Variants in EPM2A observed in about 807,000 individuals in gnomAD.
The protein encoded by EPM2A is EPM2A glucan phosphatase, laforin, also known as laforin.
A neutral mutation model predicts 26.5 loss-of-function variants in EPM2A; 21 were observed. The ratio of observed to expected loss-of-function variants is 0.79; its 90% CI spans 0.56 to 1.14. The LOEUF (loss-of-function observed/expected upper bound fraction) is 1.14, where lower values mean the gene tolerates loss of function less well. Among genes scored for constraint, EPM2A ranks in the 50% most tolerant of loss-of-function variants. The pLI is 0.00. For synonymous variants in EPM2A, 217 were observed against 177.6 expected (o/e 1.22, Z -1.76); for missense variants, 458 against 440.8 (o/e 1.04, Z -0.35).
chr6:145,413,406 C>T (rs186222641), intron 4 of EPM2A, among the ~76,000 whole-genome samples: 15 of 152,192 alleles, frequency 9.9e-5, no homozygotes, highest in Admixed American at 2.0e-4. Context: ...TATCACCATA[C>T]CCTGTAAAGT....
chr6:145,384,739 T>G (rs1415677047), intron 4 of EPM2A, among the ~76,000 whole-genome samples: 1 of 147,544 alleles, frequency 6.8e-6, no homozygotes, highest in Non-Finnish European at 1.5e-5. Context: ...ATCTGGATCC[T>G]GAATATGCAT....
chr6:145,565,436 G>GC (rs1780872333), intron 2 of EPM2A, among the ~76,000 whole-genome samples: 1 of 152,100 alleles, frequency 6.6e-6, no homozygotes, highest in South Asian at 2.1e-4. Context: ...TCTTTAGGTA[G>GC]TAAAAAAAAA....
chr6:145,522,997 G>T (rs1031703727), intron 2 of EPM2A, among the ~76,000 whole-genome samples: 1 of 152,056 alleles, frequency 6.6e-6, no homozygotes, highest in African/African-American at 2.4e-5. Context: ...CCTTCTCAGG[G>T]GTTGTTTGTA....
downstream of EPM2A, among the ~76,000 whole-genome samples, chr6:145,624,632 T>G (rs1327567627): frequency 1.3e-5 from 2 of 152,350 alleles, no homozygotes; most frequent in Non-Finnish European, 2.9e-5. Context: ...AATGAGATTA[T>G]TTCTAAAGAC....
chr6:145,540,084 G>A (rs560792027), intron 2 of EPM2A, among the ~76,000 whole-genome samples: 9 of 152,150 alleles, frequency 5.9e-5, no homozygotes, highest in South Asian at 2.1e-4. Flanking sequence ...AGTGACCCCC[G>A]CCGTGTCTGC....
At chr6:145,517,686 G>A (rs1780147981) in intron 2 of EPM2A, among the ~76,000 whole-genome samples, 1 of 152,142 alleles carries the variant, frequency 6.6e-6, no homozygotes, top group South Asian at 2.1e-4. Flanking sequence ...GTTCAGCAGT[G>A]TCTGCGAAGG....
At chr6:145,632,723 G>A (rs1047413974) in intron 3 of EPM2A, among the ~76,000 whole-genome samples, 1 of 152,108 alleles carries the variant, frequency 6.6e-6, no homozygotes, top group African/African-American at 2.4e-5. Flanking sequence ...TTCCAACTGG[G>A]TTTTTCTCTA....
downstream of EPM2A, among the ~76,000 whole-genome samples, chr6:145,620,324 C>A (rs1423588942): frequency 3.9e-5 from 6 of 152,110 alleles, no homozygotes; most frequent in Non-Finnish European, 7.4e-5. Flanking sequence ...CAATCTGATG[C>A]CGCTGCTGAT....
At chr6:145,662,726 C>G (rs1039813541) in intron 2 of EPM2A, among the ~76,000 whole-genome samples, 10 of 152,126 alleles carry the variant, frequency 6.6e-5, no homozygotes, top group African/African-American at 2.4e-4. Flanking sequence ...TCAGGGGGAT[C>G]AGATATCAGT....
intron 2 of EPM2A, among the ~76,000 whole-genome samples, chr6:145,612,377 T>C (rs532839654): frequency 2.6e-5 from 4 of 152,302 alleles, no homozygotes; most frequent in Non-Finnish European, 5.9e-5. Flanking sequence ...AAACATGCAC[T>C]CATAATCTTA....
intron 4 of EPM2A, among the ~76,000 whole-genome samples, chr6:145,413,437 A>G (rs866574902): frequency 1.1e-4 from 17 of 152,194 alleles, no homozygotes; most frequent in African/African-American, 4.1e-4. Flanking sequence ...ACTTGAAAGA[A>G]GGCAGGAATA....
In EPM2A at chr6:145,495,566, G is replaced by A. The variant is rs542475732; in HGVS notation, c.555+6956C>T. On this transcript the variant is annotated intron_variant, in intron 4 of 4. Transcript: ENST00000638717. The stretch of plus-strand genomic sequence containing the variant: ...GATTGTTTTGCAGACTTGTTTATGC[G>A]GATGCTTTATTTATTTATTTATTGA... Among the ~76,000 whole-genome samples, 79 of 151,256 alleles carry A rather than the reference G, an allele frequency of 5.2e-4. No homozygotes were observed. The South Asian group carries it at 7.3e-3, about 14-fold the overall frequency.
chr6:145,391,138 C>T (rs946431034), intron 4 of EPM2A, among the ~76,000 whole-genome samples: 5 of 152,140 alleles, frequency 3.3e-5, no homozygotes, highest in African/African-American at 9.7e-5. Context: ...TGCCCAGCCA[C>T]GATGACACAG....
rs1183282309 is a variant in EPM2A at position 145,384,700 on chromosome 6, A to G, written c.556-603T>C. Among the ~76,000 whole-genome samples, 8 of 147,488 alleles carry G rather than the reference A, an allele frequency of 5.4e-5. 1 individual carries two copies. The highest frequency in any genetic ancestry group is 1.0e-4 in the Non-Finnish European group (7 of 66,838). Reference sequence around the variant, plus strand: ...CCCAGCAGCTGGGAGTAAGTCCTTCAGTCCTGAAACATGCATCCTGAAATA... The same window carrying G: ...CCCAGCAGCTGGGAGTAAGTCCTTCGGTCCTGAAACATGCATCCTGAAATA... On this transcript the variant is annotated intron_variant, in intron 4 of 4. Coordinates refer to the EPM2A transcript ENST00000638717.
At chr6:145,450,236 T>A (rs975848576) in intron 4 of EPM2A, among the ~76,000 whole-genome samples, 1 of 150,806 alleles carries the variant, frequency 6.6e-6, no homozygotes, top group Non-Finnish European at 1.5e-5. Flanking sequence ...GCCTGTAGTT[T>A]CAGCTACTCG....
At chr6:145,590,153 T>C (rs1370713897) in intron 2 of EPM2A, among the ~76,000 whole-genome samples, 5 of 152,062 alleles carry the variant, frequency 3.3e-5, no homozygotes, top group Non-Finnish European at 7.4e-5. Context: ...TAGACTACCA[T>C]GAGAATGAGA....
In EPM2A at chr6:145,417,573, C is replaced by T. The variant is rs78168021; in HGVS notation, c.556-33476G>A. Among the ~76,000 whole-genome samples the T allele has an allele frequency of 1.6e-4, 24 of 152,278 alleles. No homozygotes were observed. In the East Asian group the frequency reaches 4.6e-3, roughly 29 times the overall value. The stretch of plus-strand genomic sequence containing the variant: ...TTTAAGATGAAATTTCTAGCTGAAG[C>T]TCCAATATAATTTGACTCTAGGTAT... On this transcript the variant is annotated intron_variant, in intron 4 of 4. Coordinates refer to the EPM2A transcript ENST00000638717.
At chr6:145,593,248 A>T (rs952503723) in intron 2 of EPM2A, among the ~76,000 whole-genome samples, 2 of 152,190 alleles carry the variant, frequency 1.3e-5, no homozygotes, top group East Asian at 1.9e-4. Flanking sequence ...CTCCAAGAAG[A>T]CATGACAATT....
At chr6:145,605,600 A>C (rs1351508759) in intron 2 of EPM2A, among the ~76,000 whole-genome samples, 2 of 152,186 alleles carry the variant, frequency 1.3e-5, no homozygotes, top group African/African-American at 2.4e-5. Context: ...GAGGTAGACC[A>C]ACCTCACTGT....
Sources: allele counts gnomAD v4.1 joint callset (sites outside exome capture counted in the v4.1 genomes callset), GRCh38; gene constraint gnomAD v4.1.1; transcripts MANE v1.5; gene names NCBI Gene and HGNC (gene_info 2026-07-23, HGNC 2026-07-21).